The following BRD4 variants were observed in gnomAD, a reference collection of about 807,000 sequenced individuals.
The protein encoded by BRD4 is bromodomain containing 4.
Under a neutral mutation model 142.1 loss-of-function variants are expected in BRD4, and 16 were observed. The ratio of observed to expected loss-of-function variants is 0.11; its 90% CI spans 0.08 to 0.17. The LOEUF is 0.17. BRD4 is among the 10% of genes least tolerant of loss of function. The probability of loss-of-function intolerance (pLI) is 1.00; values close to 1 mark genes in which losing one functional copy is unlikely to be tolerated. For missense variants in BRD4, 1,424 were observed against 1,810.9 expected, an observed-to-expected ratio of 0.79 and a Z score of 3.88; for synonymous variants, 833 against 707.5, an observed-to-expected ratio of 1.18 and a Z score of -2.82.
intron 1 of BRD4, among the ~76,000 whole-genome samples, chr19:15,322,726 G>T (rs1308071825): frequency 6.7e-6 from 1 of 150,048 alleles, no homozygotes; most frequent in African/African-American, 2.5e-5. Context: ...AATTAGCCAG[G>T]CATGGTGGCA....
At chr19:15,245,308 A>G (rs760857733) in intron 11 of BRD4, among the ~76,000 whole-genome samples, 18 of 152,226 alleles carry the variant, frequency 1.2e-4, no homozygotes, top group Non-Finnish European at 2.2e-4. Context: ...GGAAGCAGAG[A>G]GGCTCAGCTG....
intron 1 of BRD4, among the ~76,000 whole-genome samples, chr19:15,274,070 T>G (rs1027637688): frequency 2.0e-5 from 3 of 152,240 alleles, no homozygotes; most frequent in African/African-American, 7.2e-5. Context: ...AGCAACTCCA[T>G]GGACTAGGCT....
At chr19:15,245,761 C>T (rs1238613521) in intron 11 of BRD4, among the ~76,000 whole-genome samples, 5 of 152,184 alleles carry the variant, frequency 3.3e-5, no homozygotes, top group South Asian at 2.1e-4. Flanking sequence ...GATGGGAGGC[C>T]GGGCCCATGG....
intron 1 of BRD4, among the ~76,000 whole-genome samples, chr19:15,310,178 T>G (rs1227009346): frequency 6.7e-6 from 1 of 149,818 alleles, no homozygotes; most frequent in Non-Finnish European, 1.5e-5. Flanking sequence ...TGGGAGCTGA[T>G]GAAAGGGTGA....
At chr19:15,312,993 G>A (rs1378319975) in intron 1 of BRD4, among the ~76,000 whole-genome samples, 1 of 152,070 alleles carries the variant, frequency 6.6e-6, no homozygotes, top group African/African-American at 2.4e-5. Context: ...GATAGCTTGA[G>A]ACTGGAGGGT....
At chr19:15,261,595 G>A (rs779376770) in intron 7 of BRD4, among the ~76,000 whole-genome samples, 1 of 152,234 alleles carries the variant, frequency 6.6e-6, no homozygotes. Flanking sequence ...AAGGCACACA[G>A]ACAACACCAA....
rs773954300 is a variant in BRD4 at position 15,267,373 on chromosome 19, G to C, written c.559+43C>G. 1.1e-5 allele frequency: 17 copies of C among 1,605,732 alleles called. No individual in the cohort carries two copies. In the Admixed American group the frequency reaches 2.5e-4, roughly 24 times the overall value. ...CCACCAAACTTGGAAAAGGGACAAA[G>C]GTCGGGGAGAAAGCCAATTTACTTG... On this transcript the variant is annotated intron_variant, in intron 4 of 19. Coordinates refer to ENST00000679869, the MANE Select transcript of BRD4 (RefSeq NM_001379291.1).
chr19:15,250,235 G>A (rs1021286023), intron 11 of BRD4, among the ~76,000 whole-genome samples: 5 of 152,178 alleles, frequency 3.3e-5, no homozygotes, highest in South Asian at 2.1e-4. Context: ...GGCTGTTTGT[G>A]GGGGGAGTCA....
chr19:15,259,328 T>C (rs1474368722), intron 7 of BRD4, among the ~76,000 whole-genome samples: 3 of 152,102 alleles, frequency 2.0e-5, no homozygotes, highest in Non-Finnish European at 4.4e-5. Flanking sequence ...AGCGAACTGG[T>C]CTGTAAGCCT....
At chr19:15,312,406 G>A (rs1216906632) in intron 1 of BRD4, among the ~76,000 whole-genome samples, 1 of 152,130 alleles carries the variant, frequency 6.6e-6, no homozygotes, top group East Asian at 1.9e-4. Context: ...GGCCGAGGCG[G>A]GCAGATCACC....
intron 11 of BRD4, among the ~76,000 whole-genome samples, chr19:15,245,601 C>A (rs2047279009): frequency 6.6e-6 from 1 of 151,978 alleles, no homozygotes; most frequent in Non-Finnish European, 1.5e-5. Context: ...CCAGCGTGCC[C>A]ACCTCTGTCC....
chr19:15,270,636 G>A (rs1348233598), intron 2 of BRD4, among the ~76,000 whole-genome samples: 1 of 152,212 alleles, frequency 6.6e-6, no homozygotes, highest in African/African-American at 2.4e-5. Context: ...AAGAGGAACT[G>A]CCAGCCTGGA....
intron 1 of BRD4, among the ~76,000 whole-genome samples, chr19:15,327,918 TGG>T (rs71176403): frequency 4.5e-3 from 80 of 17,852 alleles, no homozygotes; most frequent in South Asian, 7.4e-3. Context: ...GGATTTCTTT[TGG>T]GGGGGGGGGG....
intron 1 of BRD4, among the ~76,000 whole-genome samples, chr19:15,305,839 G>T (rs2047909356): frequency 6.6e-6 from 1 of 152,188 alleles, no homozygotes; most frequent in Non-Finnish European, 1.5e-5. Flanking sequence ...AATGTTTACT[G>T]TAGCCACCTT....
At chr19:15,321,903 G>A (rs1365856426) in intron 1 of BRD4, among the ~76,000 whole-genome samples, 1 of 152,126 alleles carries the variant, frequency 6.6e-6, no homozygotes, top group African/African-American at 2.4e-5. Context: ...CTAAAACACA[G>A]TGGGTACAGG....
chr19:15,281,513 T>C (rs928258249), intron 1 of BRD4, among the ~76,000 whole-genome samples: 12 of 152,146 alleles, frequency 7.9e-5, no homozygotes, highest in Non-Finnish European at 1.2e-4. Flanking sequence ...ATTAAACTAG[T>C]AGCACTGAAA....
At chr19:15,254,386 G>T in intron 10 of BRD4, 124 bp from the exon 11 acceptor site, 1 of 799,826 alleles carries the variant, frequency 1.3e-6, no homozygotes, top group Non-Finnish European at 2.1e-6. Context: ...GGTGGGCCCA[G>T]GGGCTGCTCC....
intron 7 of BRD4, 137 bp downstream of exon 7, chr19:15,263,283 G>A (rs1246319490): frequency 1.8e-6 from 2 of 1,128,270 alleles, no homozygotes; most frequent in African/African-American, 1.6e-5. Context: ...CTGACTTTAG[G>A]CACTTTTCTA....
rs142004578 is a variant in BRD4 at position 15,305,082 on chromosome 19, G to A, written c.-35+27208C>T. 3.6e-3 allele frequency among the ~76,000 whole-genome samples: 521 copies of A among 144,696 alleles called. 6 individuals are homozygous for A. Among genetic ancestry groups the A allele is most frequent in the Admixed American group, 8.7e-3 (123 of 14,150 alleles). The allele number at this position is 144,696 out of a possible 152,430, so 94.9% of individuals were successfully genotyped here. The stretch of plus-strand genomic sequence containing the variant: ...TGCCCAGGCTGGAGTGCAATGGCGC[G>A]ATCTCAGCACACCACAACCTCCACC... On this transcript the variant is annotated intron_variant, in intron 1 of 19. Transcript: ENST00000679869.
Sources: allele counts gnomAD v4.1 joint callset (sites outside exome capture counted in the v4.1 genomes callset), GRCh38; gene constraint gnomAD v4.1.1; transcripts MANE v1.5; gene names NCBI Gene and HGNC (gene_info 2026-07-23, HGNC 2026-07-21).